The following NPAS3 variants were observed in gnomAD, a reference collection of about 807,000 sequenced individuals.
NPAS3 encodes neuronal PAS domain protein 3, also known as neuronal PAS domain-containing protein 3.
Under a neutral mutation model 73.1 loss-of-function variants are expected in NPAS3, and 14 were observed. That is an observed-to-expected ratio of 0.19 (90% CI 0.13 to 0.30). The LOEUF (loss-of-function observed/expected upper bound fraction) is 0.30. NPAS3 is among the 10% of genes least tolerant of loss of function. The pLI is 1.00. For synonymous variants in NPAS3, 620 were observed against 541.5 expected (o/e 1.14, Z -2.01); for missense variants, 1,096 against 1,250.0 (o/e 0.88, Z 1.86).
rs76473415 is a variant in NPAS3 at position 33,009,301 on chromosome 14, T to G, written c.51-46604T>G. ...TTTAGACACCAATGCAAGCATCCAG[T>G]AGTATGGAAAGCAGATTAGGGGACC... On this transcript the variant is annotated intron_variant, in intron 1 of 11. Transcript: ENST00000356141. Among the ~76,000 whole-genome samples, 1,154 of 152,120 alleles carry G rather than the reference T, an allele frequency of 7.6e-3. 17 individuals carry two copies. Among genetic ancestry groups the G allele is most frequent in the African/African-American group, 0.027 (1,107 of 41,504 alleles).
intron 7 of NPAS3, among the ~76,000 whole-genome samples, chr14:33,768,869 G>A (rs1156376588): frequency 1.3e-5 from 2 of 152,034 alleles, no homozygotes; most frequent in East Asian, 3.9e-4. Context: ...TTATATATTT[G>A]TATTCACCAT....
At chr14:33,791,100 T>C (rs1187367743) in intron 9 of NPAS3, among the ~76,000 whole-genome samples, 1 of 152,206 alleles carries the variant, frequency 6.6e-6, no homozygotes, top group Non-Finnish European at 1.5e-5. Context: ...CCAAGTGAGA[T>C]TGCCTACCCT....
intron 2 of NPAS3, among the ~76,000 whole-genome samples, chr14:33,088,526 A>G (rs1027262748): frequency 1.1e-4 from 16 of 152,192 alleles, no homozygotes; most frequent in Admixed American, 6.5e-5. Context: ...TGAGTAGGTA[A>G]ACAAAGCGGC....
chr14:33,708,631 C>T (rs2060728302), intron 6 of NPAS3, among the ~76,000 whole-genome samples: 1 of 152,050 alleles, frequency 6.6e-6, no homozygotes, highest in Admixed American at 6.5e-5. Flanking sequence ...GATGGCAAAA[C>T]TTATTGATGA....
At chr14:33,729,259 A>G (rs533951000) in intron 6 of NPAS3, among the ~76,000 whole-genome samples, 1 of 152,334 alleles carries the variant, frequency 6.6e-6, no homozygotes, top group African/African-American at 2.4e-5. Context: ...CTACACATGT[A>G]AATTCAACCA....
At chr14:33,773,171 C>G (rs907371753) in intron 7 of NPAS3, among the ~76,000 whole-genome samples, 9 of 152,144 alleles carry the variant, frequency 5.9e-5, no homozygotes, top group African/African-American at 2.2e-4. Flanking sequence ...CTGGGAGGCA[C>G]GAGACCTACT....
chr14:33,089,259 T>C (rs980788547), intron 2 of NPAS3, among the ~76,000 whole-genome samples: 1 of 152,158 alleles, frequency 6.6e-6, no homozygotes, highest in Non-Finnish European at 1.5e-5. Context: ...GAGAAAAGAT[T>C]AGATGAATGG....
chr14:33,017,439 A>T (rs1223184621), intron 1 of NPAS3, among the ~76,000 whole-genome samples: 1 of 152,178 alleles, frequency 6.6e-6, no homozygotes, highest in African/African-American at 2.4e-5. Flanking sequence ...CATTTTGTGG[A>T]TACATGTATT....
chr14:33,480,855 G>T (rs1427702625), intron 4 of NPAS3, among the ~76,000 whole-genome samples: 1 of 151,974 alleles, frequency 6.6e-6, no homozygotes, highest in Non-Finnish European at 1.5e-5. Context: ...CTTATACTGA[G>T]TAAGGATTAG....
chr14:33,369,342 T>G (rs2045975047), intron 4 of NPAS3, among the ~76,000 whole-genome samples: 2 of 140,604 alleles, frequency 1.4e-5, no homozygotes, highest in African/African-American at 5.4e-5. Context: ...AAAGTTTAGT[T>G]TGGAAAACAT....
chr14:33,329,048 G>A (rs986425011), intron 3 of NPAS3, among the ~76,000 whole-genome samples: 2 of 151,984 alleles, frequency 1.3e-5, no homozygotes, highest in Non-Finnish European at 2.9e-5. Flanking sequence ...CTGCTGTCTG[G>A]ACATTCCTTA....
chr14:33,771,027 C>T (rs545943014), intron 7 of NPAS3, among the ~76,000 whole-genome samples: 9 of 152,290 alleles, frequency 5.9e-5, no homozygotes, highest in Admixed American at 3.3e-4. Context: ...CACAGTTGTG[C>T]GGCTATTAAG....
At chr14:33,671,687 G>A (rs370395649) in intron 5 of NPAS3, among the ~76,000 whole-genome samples, 11 of 152,318 alleles carry the variant, frequency 7.2e-5, no homozygotes, top group South Asian at 4.1e-4. Context: ...ACTAAGCAAC[G>A]TGAGAGAGTA....
chr14:33,503,996 C>T (rs1269943857), intron 4 of NPAS3, among the ~76,000 whole-genome samples: 1 of 151,948 alleles, frequency 6.6e-6, no homozygotes, highest in East Asian at 1.9e-4. Flanking sequence ...GTTATCTAGA[C>T]ATTATTCCAA....
chr14:33,659,391 C>T (rs1351295191), intron 5 of NPAS3, among the ~76,000 whole-genome samples: 1 of 152,114 alleles, frequency 6.6e-6, no homozygotes, highest in South Asian at 2.1e-4. Flanking sequence ...CATGTAAGAG[C>T]GTTAGAAAAT....
chr14:33,517,220 G>C (rs935539972), intron 4 of NPAS3, among the ~76,000 whole-genome samples: 9 of 151,990 alleles, frequency 5.9e-5, no homozygotes, highest in African/African-American at 2.2e-4. Flanking sequence ...ATCTTAGTTG[G>C]ATTTCCGGTG....
chr14:33,787,985 A>T (rs759414519), intron 9 of NPAS3, among the ~76,000 whole-genome samples: 1 of 152,240 alleles, frequency 6.6e-6, no homozygotes, highest in Non-Finnish European at 1.5e-5. Context: ...AGGAAGAAAG[A>T]AAGTCCTGTT....
chr14:33,523,570 C>G (rs1345454585), intron 4 of NPAS3, among the ~76,000 whole-genome samples: 2 of 151,860 alleles, frequency 1.3e-5, no homozygotes, highest in African/African-American at 4.8e-5. Context: ...CGAAATTAGC[C>G]TGGCCAACAT....
chr14:33,799,700 G>C, intron 11 of NPAS3, 34 bp from the exon 12 acceptor site: 1 of 1,544,694 alleles, frequency 6.5e-7, no homozygotes. Context: ...TTCTCTCTCC[G>C]CCCCCGCCAC....
Sources: allele counts gnomAD v4.1 joint callset (sites outside exome capture counted in the v4.1 genomes callset), GRCh38; gene constraint gnomAD v4.1.1; transcripts MANE v1.5; gene names NCBI Gene and HGNC (gene_info 2026-07-23, HGNC 2026-07-21).